The following TNFSF4 variants were observed in gnomAD, a reference collection of about 807,000 sequenced individuals.
TNFSF4 encodes the protein TNF superfamily member 4, also known as tumor necrosis factor ligand superfamily member 4.
TNFSF4 carries 4 observed loss-of-function variants against 7.3 expected under a neutral mutation model. The ratio of observed to expected loss-of-function variants is 0.55; its 90% CI spans 0.27 to 1.25. TNFSF4 has a LOEUF of 1.25. Among genes scored for constraint, TNFSF4 ranks in the 50% most tolerant of loss-of-function variants. The pLI is 0.12. For missense variants in TNFSF4, 181 were observed against 208.8 expected, an observed-to-expected ratio of 0.87 and a Z score of 0.82; for synonymous variants, 76 against 83.7, an observed-to-expected ratio of 0.91 and a Z score of 0.50.
At chr1:173,403,913 A>C in the TNFSF4 span, among the ~76,000 whole-genome samples, 1 of 152,182 alleles carries the variant, frequency 6.6e-6, no homozygotes, top group Non-Finnish European at 1.5e-5. Flanking sequence ...AAAAAAAAAA[A>C]AAGAGAGTTT....
At chr1:173,202,963 TCCTCC>T (rs1376379735) in intron 1 of TNFSF4, among the ~76,000 whole-genome samples, 3 of 110,878 alleles carry the variant, frequency 2.7e-5, no homozygotes, top group Non-Finnish European at 7.0e-5. Flanking sequence ...CAGCCCTCCC[TCCTCC>T]CTCCTCTCAT....
At chr1:173,350,480 C>T in the TNFSF4 span, among the ~76,000 whole-genome samples, 1 of 152,184 alleles carries the variant, frequency 6.6e-6, no homozygotes, top group East Asian at 1.9e-4. Flanking sequence ...TATGTTTAAA[C>T]TATTCCCCAG....
At chr1:173,254,185 C>T in the TNFSF4 span, among the ~76,000 whole-genome samples, 1 of 152,154 alleles carries the variant, frequency 6.6e-6, no homozygotes, top group Non-Finnish European at 1.5e-5. Context: ...GAGATCTTTA[C>T]CTTTGTCAAA....
At chr1:173,229,695 A>C in the TNFSF4 span, among the ~76,000 whole-genome samples, 4 of 152,194 alleles carry the variant, frequency 2.6e-5, no homozygotes, top group African/African-American at 9.7e-5. Flanking sequence ...CCCATCTCAC[A>C]TGCAGAGACA....
the TNFSF4 span, among the ~76,000 whole-genome samples, chr1:173,212,940 T>C: frequency 1.3e-5 from 2 of 152,210 alleles, no homozygotes; most frequent in African/African-American, 2.4e-5. Context: ...ATGCTGCAAG[T>C]TCCTGAGGTT....
At chr1:173,416,759 G>T in the TNFSF4 span, among the ~76,000 whole-genome samples, 1 of 151,878 alleles carries the variant, frequency 6.6e-6, no homozygotes, top group African/African-American at 2.4e-5. Flanking sequence ...AGCATGCCCG[G>T]CTAATTTTTG....
chr1:173,310,590 C>T, the TNFSF4 span, among the ~76,000 whole-genome samples: 452 of 151,246 alleles, frequency 3.0e-3, 2 homozygotes, highest in African/African-American at 7.9e-3. Flanking sequence ...TCGTAAAGAA[C>T]GTATAGTGTT....
intron 2 of TNFSF4, among the ~76,000 whole-genome samples, chr1:173,188,289 T>A (rs943717487): frequency 6.6e-5 from 10 of 152,202 alleles, no homozygotes; most frequent in African/African-American, 2.2e-4. Context: ...GAACATAAAG[T>A]GATTAGTACA....
chr1:173,401,535 T>G, the TNFSF4 span, among the ~76,000 whole-genome samples: 2 of 152,172 alleles, frequency 1.3e-5, no homozygotes, highest in Non-Finnish European at 2.9e-5. Flanking sequence ...AAGGAAGAAC[T>G]CACTCCTTCT....
the TNFSF4 span, among the ~76,000 whole-genome samples, chr1:173,439,528 G>C: frequency 6.6e-6 from 1 of 152,222 alleles, no homozygotes; most frequent in East Asian, 1.9e-4. Context: ...TCTTATCAGA[G>C]AGTGAATGCC....
chr1:173,277,050 G>C, the TNFSF4 span, among the ~76,000 whole-genome samples: 1 of 152,116 alleles, frequency 6.6e-6, no homozygotes, highest in Non-Finnish European at 1.5e-5. Flanking sequence ...AGATGTTCCA[G>C]GTGTCTGTAA....
At chr1:173,331,902 G>A in the TNFSF4 span, among the ~76,000 whole-genome samples, 1 of 152,074 alleles carries the variant, frequency 6.6e-6, no homozygotes, top group Non-Finnish European at 1.5e-5. Context: ...TTGTTCCCAG[G>A]ACATATTGGC....
the TNFSF4 span, among the ~76,000 whole-genome samples, chr1:173,397,529 G>T: frequency 6.6e-6 from 1 of 152,172 alleles, no homozygotes. Context: ...GTGATCAGTG[G>T]AATTTAGCTC....
chr1:173,178,504 G>A, the TNFSF4 span, among the ~76,000 whole-genome samples: 1 of 152,310 alleles, frequency 6.6e-6, no homozygotes, highest in East Asian at 1.9e-4. Flanking sequence ...AACCCGGGAA[G>A]CAGAGCTTTC....
chr1:173,294,391 G>C, the TNFSF4 span, among the ~76,000 whole-genome samples: 5 of 151,940 alleles, frequency 3.3e-5, no homozygotes, highest in Non-Finnish European at 7.4e-5. Context: ...TTACGAGTAG[G>C]AGTTAAACAT....
chr1:173,241,021 A>G, the TNFSF4 span, among the ~76,000 whole-genome samples: 1 of 152,096 alleles, frequency 6.6e-6, no homozygotes, highest in African/African-American at 2.4e-5. Context: ...TGAATTTACT[A>G]TGTTTTCTTG....
the TNFSF4 span, among the ~76,000 whole-genome samples, chr1:173,423,485 T>C: frequency 6.6e-6 from 1 of 152,302 alleles, no homozygotes; most frequent in African/African-American, 2.4e-5. Flanking sequence ...GCTTGATGAC[T>C]GGTGATGATG....
the TNFSF4 span, among the ~76,000 whole-genome samples, chr1:173,248,890 T>C: frequency 6.6e-6 from 1 of 152,250 alleles, no homozygotes; most frequent in Non-Finnish European, 1.5e-5. Context: ...TTATTTTTTA[T>C]TTGTTCTATG....
chr1:173,434,576 C>T, the TNFSF4 span, among the ~76,000 whole-genome samples: 5 of 152,146 alleles, frequency 3.3e-5, no homozygotes, highest in African/African-American at 9.7e-5. Context: ...GTGTTATCCA[C>T]GTTACTTGGT....
Sources: allele counts gnomAD v4.1 joint callset (sites outside exome capture counted in the v4.1 genomes callset), GRCh38; gene constraint gnomAD v4.1.1; transcripts MANE v1.5; gene names NCBI Gene and HGNC (gene_info 2026-07-23, HGNC 2026-07-21).